The following ALPK3 variants were observed in gnomAD, a reference collection of about 807,000 sequenced individuals.
The protein encoded by ALPK3 is alpha kinase 3, also known as alpha-protein kinase 3.
Under a neutral mutation model 140.0 loss-of-function variants are expected in ALPK3, and 102 were observed. The observed-to-expected ratio is 0.73, with a 90% CI of 0.62 to 0.86. ALPK3 has a LOEUF of 0.86. Ranked by LOEUF, ALPK3 falls within the 40% of genes least tolerant of loss-of-function variation. The pLI is 0.00. For synonymous variants in ALPK3, 938 were observed against 898.5 expected, an observed-to-expected ratio of 1.04 and a Z score of -0.79; for missense variants, 2,254 against 2,208.2, an observed-to-expected ratio of 1.02 and a Z score of -0.42.
intron 2 of ALPK3, 97 bp downstream of exon 2, chr15:84,823,465 C>CA: frequency 7.3e-7 from 1 of 1,367,938 alleles, no homozygotes; most frequent in Non-Finnish European, 1.0e-6. Context: ...AACCAGGCTG[C>CA]ATGGGGTGAG....
intron 2 of ALPK3, among the ~76,000 whole-genome samples, chr15:84,823,792 C>G (rs1963454828): frequency 6.6e-6 from 1 of 152,134 alleles, no homozygotes; most frequent in Non-Finnish European, 1.5e-5. Context: ...CTCCCTGTAG[C>G]CTTGAACTCC....
intron 5 of ALPK3, among the ~76,000 whole-genome samples, chr15:84,852,852 G>A: frequency 6.6e-6 from 1 of 152,184 alleles, no homozygotes; most frequent in South Asian, 2.1e-4. Flanking sequence ...GTTTTGGAAA[G>A]GTCATTTGGG....
chr15:84,872,559 C>T lies in ALPK3; in HGVS notation c.*4103C>T, dbSNP rs1964085815. 1 of 152,208 alleles carries T rather than the reference C, an allele frequency of 6.6e-6. No individual in the cohort carries two copies. Among genetic ancestry groups the T allele is most frequent in the Admixed American group, 6.5e-5 (1 of 15,274 alleles). The allele number at this position is 152,208 out of a possible 1,614,324, so 9.4% of individuals were successfully genotyped here. On this transcript the variant is annotated 3_prime_UTR_variant, in exon 14 of 14. Transcript: ENST00000258888. ...GTGGCATAAATTGCATGGAATTAGG[C>T]CTTAGTGGCGAGGGATTCGACATAC...
chr15:84,853,431 A>G (rs2141565319), intron 5 of ALPK3, among the ~76,000 whole-genome samples: 1 of 151,828 alleles, frequency 6.6e-6, no homozygotes, highest in East Asian at 2.0e-4. Flanking sequence ...TGGCCAACAT[A>G]GTGAAACCCC....
intron 5 of ALPK3, among the ~76,000 whole-genome samples, chr15:84,850,879 T>TATATACACACACAC (rs144798232): frequency 0.12 from 17,474 of 142,262 alleles, 1,322 homozygotes; most frequent in Middle Eastern, 0.19. Flanking sequence ...GTTCCAGATA[T>TATATACACACACAC]ACACACACAC....
Position 84,817,429 on chromosome 15 carries a change from CCGGCGG to C in ALPK3, c.-23_-18del. 7.9e-7 allele frequency: 1 copy of C among 1,259,234 alleles called. No individual in the cohort carries two copies. Among genetic ancestry groups the C allele is most frequent in the Non-Finnish European group, 9.9e-7 (1 of 1,006,932 alleles). The allele number at this position is 1,259,234 out of a possible 1,614,324, so 78.0% of individuals were successfully genotyped here. On this transcript the variant is annotated 5_prime_UTR_variant, in exon 1 of 14. Transcript: ENST00000258888. ...AGGCGAGGCAGCGGCGAGTGCGGGGCCGGCGGTCGGGGAGGGCGGTGCCATGGGGTC... is the reference window on the plus strand; with the variant it reads ...AGGCGAGGCAGCGGCGAGTGCGGGGCTCGGGGAGGGCGGTGCCATGGGGTC...
At chr15:84,851,018 G>A (rs1189690181) in intron 5 of ALPK3, among the ~76,000 whole-genome samples, 5 of 152,090 alleles carry the variant, frequency 3.3e-5, no homozygotes, top group African/African-American at 1.2e-4. Context: ...TCCCAGGCCT[G>A]TACTGGGCCC....
At chr15:84,843,564 C>G (rs1963691514) in intron 5 of ALPK3, among the ~76,000 whole-genome samples, 1 of 152,164 alleles carries the variant, frequency 6.6e-6, no homozygotes, top group Non-Finnish European at 1.5e-5. Context: ...AAATTAGTCT[C>G]ACGGTATTGA....
intron 5 of ALPK3, among the ~76,000 whole-genome samples, chr15:84,849,118 G>T (rs769463379): frequency 9.2e-5 from 14 of 151,870 alleles, no homozygotes; most frequent in Admixed American, 4.6e-4. Flanking sequence ...CTCCAGCCTG[G>T]GCAACAAGAG....
In ALPK3 at chr15:84,839,848, C is replaced by A. The variant is rs751010387; in HGVS notation, c.569C>A (p.Ala190Glu). 12 of 1,613,966 alleles carry A rather than the reference C, an allele frequency of 7.4e-6. No individual in the cohort carries two copies. The highest frequency in any genetic ancestry group is 1.0e-5 in the Non-Finnish European group (12 of 1,180,030). The change falls in exon 5 of 14, where the codon GCG becomes GAG. Residue 190 changes from alanine (A) to glutamate (E), a missense_variant. Ala to Glu is a moderately radical substitution (Grantham distance 107). This residue lies in a region of ALPK3 where 2,088 missense variants were observed against 2,022.9 expected (regional missense o/e 1.03). Coordinates refer to ENST00000258888, the MANE Select transcript of ALPK3 (RefSeq NM_020778.5). ...RWFAKLKRKA[A>E]AKLREIEQSW... ...TTCGCCAAGTTGAAGCGCAAGGCTGCGGCAAAGCTGCGCGAGATCGAGCAG... is the reference window on the plus strand; with the variant it reads ...TTCGCCAAGTTGAAGCGCAAGGCTGAGGCAAAGCTGCGCGAGATCGAGCAG...
intron 5 of ALPK3, among the ~76,000 whole-genome samples, chr15:84,855,540 C>G (rs768698769): frequency 9.2e-5 from 14 of 152,132 alleles, no homozygotes; most frequent in Non-Finnish European, 1.5e-4. Context: ...TGTACGCCAC[C>G]ATGTTTGACA....
chr15:84,863,797 T>C (rs1326299690), intron 11 of ALPK3, among the ~76,000 whole-genome samples, 157 bp downstream of exon 11: 1 of 152,194 alleles, frequency 6.6e-6, no homozygotes, highest in African/African-American at 2.4e-5. Context: ...TCACAAAATG[T>C]AGAAATAGAG....
chr15:84,837,522 C>G (rs924799000), intron 3 of ALPK3, among the ~76,000 whole-genome samples: 1 of 152,172 alleles, frequency 6.6e-6, no homozygotes, highest in Admixed American at 6.5e-5. Flanking sequence ...GAGCAGAGAC[C>G]GTGTCTTATG....
intron 13 of ALPK3, among the ~76,000 whole-genome samples, chr15:84,867,787 CTG>C (rs2141575916): frequency 6.6e-6 from 1 of 152,296 alleles, no homozygotes; most frequent in Non-Finnish European, 1.5e-5. Context: ...AGTTTTAAAA[CTG>C]AGGCCTTGGG....
chr15:84,840,394 G>A lies in ALPK3; in HGVS notation c.1115G>A (p.Gly372Asp). ...GVEQVQTQPRGRAARGPGSSG... is the reference protein window; with the variant it reads ...GVEQVQTQPRDRAARGPGSSG... ...GAGCAGGTTCAGACCCAGCCCAGAG[G>A]CAGGGCTGCACGGGGGCCTGGGTCC... The change falls in exon 5 of 14, where the codon GGC becomes GAC. Residue 372 changes from glycine (G) to aspartate (D), a missense_variant. Transcript: ENST00000258888. 5.6e-6 allele frequency: 9 copies of A among 1,613,904 alleles called. No homozygotes were observed. Among genetic ancestry groups the A allele is most frequent in the Non-Finnish European group, 7.6e-6 (9 of 1,179,882 alleles).
chr15:84,862,643 G>C lies in ALPK3; in HGVS notation c.4138G>C (p.Glu1380Gln). The C allele has an allele frequency of 8.1e-6, 13 of 1,606,198 alleles. No homozygotes were observed. Among genetic ancestry groups the C allele is most frequent in the African/African-American group, 1.3e-5 (1 of 74,862 alleles). Residue 1380 changes from glutamate to glutamine, a missense_variant, in exon 10 of 14, where the codon GAG (glutamate) becomes CAG (glutamine). Glu to Gln is a conservative substitution (Grantham distance 29). This residue lies in a region of ALPK3 where 2,088 missense variants were observed against 2,022.9 expected (regional missense o/e 1.03). Transcript: ENST00000258888. ...ISREEGEVGEEIEMTPMVFAK... is the reference protein window; with the variant it reads ...ISREEGEVGEQIEMTPMVFAK... ...CTCCTGTTCCCCTTCAGTTGGAGAAGAGATTGAGATGACCCCTATGGTGTT... is the reference window on the plus strand; with the variant it reads ...CTCCTGTTCCCCTTCAGTTGGAGAACAGATTGAGATGACCCCTATGGTGTT...
At chr15:84,861,121 G>A (rs1963940692) in intron 9 of ALPK3, among the ~76,000 whole-genome samples, 1 of 152,186 alleles carries the variant, frequency 6.6e-6, no homozygotes, top group African/African-American at 2.4e-5. Context: ...TCTCATATGC[G>A]TTGGTTTATT....
rs147228539 is a variant in ALPK3, at chr15:84,840,701, G to A, written c.1422G>A (p.Pro474=). Residue 474 remains proline, a synonymous_variant, in exon 5 of 14, where the codon CCG becomes CCA. Coordinates refer to ENST00000258888, the MANE Select transcript of ALPK3 (RefSeq NM_020778.5). ...GQPTHSLTPQ[P]TRPFNRKRFA... is the part of the protein sequence containing the mutation. ...CCACACACTCCTTGACCCCCCAGCC[G>A]ACTAGGCCTTTCAACAGAAAGAGAT... 142 of 1,611,642 alleles carry A rather than the reference G, an allele frequency of 8.8e-5. No individual in the cohort carries two copies. The highest frequency in any genetic ancestry group is 1.2e-4 in the Non-Finnish European group (137 of 1,178,808).
Position 84,856,452 on chromosome 15 carries a change from G to A in ALPK3, c.1714G>A (p.Ala572Thr), listed in dbSNP as rs1037089050. 1.2e-6 allele frequency: 2 copies of A among 1,613,782 alleles called. No homozygotes were observed. The highest frequency in any genetic ancestry group is 4.5e-5 in the East Asian group (2 of 44,890). Residue 572 changes from alanine to threonine, a missense_variant, in exon 6 of 14, where the codon GCC becomes ACC. This residue lies in a region of ALPK3 where 2,088 missense variants were observed against 2,022.9 expected (regional missense o/e 1.03). Coordinates refer to ENST00000258888, the MANE Select transcript of ALPK3 (RefSeq NM_020778.5). ...TMSASSSSDV[A>T]SIGVSTSGSQ... ...GTCGGCCAGCAGCAGCTCTGATGTAGCCTCCATTGGGGTTAGCACTTCCGG... is the reference window on the plus strand; with the variant it reads ...GTCGGCCAGCAGCAGCTCTGATGTAACCTCCATTGGGGTTAGCACTTCCGG...
Sources: gnomAD v4.1 joint callset for allele counts (sites outside exome capture counted in the v4.1 genomes callset) on GRCh38, gnomAD v4.1.1 for gene constraint, gnomAD v4.1.1 regional missense constraint, MANE v1.5 for transcripts, NCBI Gene and HGNC (gene_info 2026-07-23, HGNC 2026-07-21) for gene names.